Variants in ODR4 observed in about 807,000 individuals in gnomAD.
The protein encoded by ODR4 is protein odr-4 homolog.
ODR4 carries 47 observed loss-of-function variants against 60.2 expected under a neutral mutation model. The observed-to-expected ratio is 0.78, with a 90% CI of 0.62 to 1.00. The LOEUF (loss-of-function observed/expected upper bound fraction) is 1.00, where lower values mean the gene tolerates loss of function less well. Ranked by LOEUF, ODR4 falls within the 50% of genes least tolerant of loss-of-function variation. The pLI, the probability that ODR4 is intolerant of heterozygous loss-of-function variation, is 0.00. For missense variants in ODR4, 488 were observed against 530.8 expected (o/e 0.92, Z 0.79); for synonymous variants, 178 against 175.5 (o/e 1.01, Z -0.11).
At position 186,401,498 on chromosome 1, in the gene ODR4, TTC is replaced by T. The variant is rs148470500; in HGVS notation, c.1000+2471_1000+2472del. 1,063 of 196,660 alleles carry T rather than the reference TTC, an allele frequency of 5.4e-3. 1 individual carries two copies. Among genetic ancestry groups the T allele is most frequent in the African/African-American group, 1.0e-2 (413 of 41,386 alleles). 12.2% of individuals were successfully genotyped at this position (196,660 alleles called of 1,614,324 possible). A position where few individuals can be genotyped will look rare whatever the true frequency, so the allele number is the denominator to read the frequency against. Reference sequence around the variant, plus strand: ...TGTCTTTCTTTCTCTCTTTCTTTCTTTCTCTCTCTCTCTCTCTCCTTCCTTCC... The same window carrying T: ...TGTCTTTCTTTCTCTCTTTCTTTCTTTCTCTCTCTCTCTCTCCTTCCTTCC... On this transcript the variant is annotated intron_variant, in intron 11 of 13. Coordinates refer to ENST00000287859, the MANE Select transcript of ODR4 (RefSeq NM_017847.6).
intron 11 of ODR4, among the ~76,000 whole-genome samples, chr1:186,405,509 G>A (rs1448164767): frequency 1.3e-5 from 2 of 152,152 alleles, no homozygotes; most frequent in Non-Finnish European, 2.9e-5. Context: ...GTATAAGAAT[G>A]TGTAATCAAC....
intron 13 of ODR4, 86 bp downstream of exon 13, chr1:186,417,740 C>A: frequency 1.3e-6 from 1 of 762,554 alleles, no homozygotes; most frequent in Non-Finnish European, 2.2e-6. Flanking sequence ...TATTTCATTT[C>A]TCTTTCTTAA....
intron 4 of ODR4, among the ~76,000 whole-genome samples, chr1:186,386,304 C>T (rs1660246357): frequency 6.6e-6 from 1 of 151,888 alleles, no homozygotes; most frequent in South Asian, 2.1e-4. Context: ...ATTATTTTTT[C>T]CATGGGTAAT....
At chr1:186,433,936 T>G in the ODR4 span, among the ~76,000 whole-genome samples, 1 of 152,182 alleles carries the variant, frequency 6.6e-6, no homozygotes, top group African/African-American at 2.4e-5. Flanking sequence ...GTGGTTAATA[T>G]CTACATAGAT....
the ODR4 span, among the ~76,000 whole-genome samples, chr1:186,434,751 T>C: frequency 4.6e-5 from 7 of 152,334 alleles, no homozygotes; most frequent in East Asian, 1.2e-3. Flanking sequence ...CAGTTTATTA[T>C]GTAAGTCTCT....
At chr1:186,394,173 A>G (rs1256261602) in intron 9 of ODR4, among the ~76,000 whole-genome samples, 158 bp downstream of exon 9, 1 of 152,202 alleles carries the variant, frequency 6.6e-6, no homozygotes, top group Non-Finnish European at 1.5e-5. Flanking sequence ...AAGAAACATC[A>G]TTTTAATAAA....
intron 12 of ODR4, 75 bp downstream of exon 12, chr1:186,406,343 T>C: frequency 3.6e-6 from 4 of 1,126,006 alleles, no homozygotes; most frequent in Non-Finnish European, 4.9e-6. Context: ...CTAGTTTAAA[T>C]ATCATGTCTT....
At chr1:186,396,382 G>A (rs987499397) in intron 9 of ODR4, among the ~76,000 whole-genome samples, 4 of 152,150 alleles carry the variant, frequency 2.6e-5, no homozygotes, top group African/African-American at 9.7e-5. Context: ...GCCTAGGCAG[G>A]GTGATCGCTT....
the ODR4 span, among the ~76,000 whole-genome samples, chr1:186,432,249 T>A: frequency 1.3e-5 from 2 of 152,210 alleles, no homozygotes; most frequent in Non-Finnish European, 2.9e-5. Flanking sequence ...TGATCATGTT[T>A]TATCTTTTAC....
At position 186,388,471 on chromosome 1, in the gene ODR4, TAGAA is replaced by T. The variant is rs761882400; in HGVS notation, c.364_367del (p.Lys122AspfsTer14). 7.0e-6 allele frequency: 11 copies of T among 1,566,830 alleles called. No homozygotes were observed. Among genetic ancestry groups the T allele is most frequent in the African/African-American group, 1.4e-5 (1 of 73,708 alleles). ...TGTTTGCTGTGGAAAAGTCTATAAA[TAGAA>T]AGAGATTGTGGAATTTCACAGAGGA... On this transcript the variant is annotated frameshift_variant, in exon 5 of 14. Transcript: ENST00000287859. LOFTEE classifies it high-confidence loss of function.
At chr1:186,428,563 A>T in the ODR4 span, among the ~76,000 whole-genome samples, 2 of 152,128 alleles carry the variant, frequency 1.3e-5, no homozygotes, top group East Asian at 3.9e-4. Flanking sequence ...AGCACTTTTA[A>T]TTTCTTTCAA....
At chr1:186,399,420 G>C (rs1286023296) in intron 11 of ODR4, among the ~76,000 whole-genome samples, 1 of 152,088 alleles carries the variant, frequency 6.6e-6, no homozygotes, top group Non-Finnish European at 1.5e-5. Context: ...TGTTGCCCAG[G>C]CTAGTTTCAA....
At chr1:186,398,503 T>A in intron 10 of ODR4, 62 bp downstream of exon 10, 1 of 1,452,358 alleles carries the variant, frequency 6.9e-7, no homozygotes, top group Non-Finnish European at 9.2e-7. Flanking sequence ...CCTAAAATTT[T>A]ACCATTTTTT....
intron 3 of ODR4, among the ~76,000 whole-genome samples, chr1:186,385,390 A>G (rs1195475624): frequency 6.6e-6 from 1 of 150,810 alleles, no homozygotes; most frequent in African/African-American, 2.4e-5. Context: ...GTTCACAGAT[A>G]ACTATGATAT....
At chr1:186,414,524 C>CT (rs753376955) in intron 12 of ODR4, among the ~76,000 whole-genome samples, 3,624 of 139,312 alleles carry the variant, frequency 0.026, 89 homozygotes, top group African/African-American at 0.063. Flanking sequence ...AAACAAAAAC[C>CT]TTTTTTTTTT....
At chr1:186,411,328 A>G (rs535545955) in intron 12 of ODR4, among the ~76,000 whole-genome samples, 3 of 152,178 alleles carry the variant, frequency 2.0e-5, no homozygotes, top group Non-Finnish European at 4.4e-5. Context: ...CTTCAACTGA[A>G]AGGTCACTGA....
At chr1:186,405,763 G>A (rs1262464429) in intron 11 of ODR4, among the ~76,000 whole-genome samples, 3 of 151,966 alleles carry the variant, frequency 2.0e-5, no homozygotes, top group Admixed American at 6.6e-5. Flanking sequence ...TGTTGGCCAC[G>A]TTGGTCTCCA....
chr1:186,376,855 G>A (rs576806864), intron 1 of ODR4, among the ~76,000 whole-genome samples: 7 of 152,294 alleles, frequency 4.6e-5, no homozygotes, highest in African/African-American at 1.7e-4. Context: ...AGATCTGCTA[G>A]GATTCAAATG....
At chr1:186,417,233 G>A (rs576524640) in intron 12 of ODR4, 2 of 284,944 alleles carry the variant, frequency 7.0e-6, no homozygotes, top group Non-Finnish European at 1.3e-5. Flanking sequence ...AAAGTGCTGG[G>A]ATTACAGGCG....
Sources: gnomAD v4.1 joint callset for allele counts (sites outside exome capture counted in the v4.1 genomes callset) on GRCh38, gnomAD v4.1.1 for gene constraint, MANE v1.5 for transcripts, NCBI Gene and HGNC (gene_info 2026-07-23, HGNC 2026-07-21) for gene names.